KALRN: variants seen among roughly 807,000 people sequenced by gnomAD.
The protein encoded by KALRN is kalirin RhoGEF kinase.
In KALRN, 70 loss-of-function variants were observed where a neutral mutation model predicts 353.7. The observed-to-expected ratio is 0.20, with a 90% CI of 0.16 to 0.24. The LOEUF is 0.24. Ranked by LOEUF, KALRN falls within the 10% of genes least tolerant of loss-of-function variation. KALRN has a pLI of 1.00. For synonymous variants in KALRN, 1,391 were observed against 1,434.8 expected (o/e 0.97, Z 0.69); for missense variants, 2,791 against 3,756.7 (o/e 0.74, Z 6.72).
intron 33 of KALRN, among the ~76,000 whole-genome samples, chr3:124,511,994 G>A (rs1032782646): frequency 2.2e-4 from 34 of 152,304 alleles, no homozygotes; most frequent in African/African-American, 7.7e-4. Flanking sequence ...GATTGCTACT[G>A]TGTGTTACCT....
At chr3:124,339,111 G>T (rs143064224) in intron 9 of KALRN, among the ~76,000 whole-genome samples, 93 of 152,340 alleles carry the variant, frequency 6.1e-4, no homozygotes, top group African/African-American at 2.2e-3. Context: ...CTGTTGGCAA[G>T]AGTTTGAAGC....
intron 18 of KALRN, among the ~76,000 whole-genome samples, chr3:124,439,932 A>G (rs903632538): frequency 6.6e-6 from 1 of 152,242 alleles, no homozygotes; most frequent in Non-Finnish European, 1.5e-5. Flanking sequence ...TGGGAATAGA[A>G]GAGACAATTT....
chr3:124,524,837 A>G (rs749971432), intron 33 of KALRN, among the ~76,000 whole-genome samples: 2 of 152,230 alleles, frequency 1.3e-5, no homozygotes, highest in African/African-American at 2.4e-5. Flanking sequence ...TAGAAAACCA[A>G]AAGTGCAGTC....
At chr3:124,247,742 A>G (rs1317027062) in intron 3 of KALRN, among the ~76,000 whole-genome samples, 1 of 152,064 alleles carries the variant, frequency 6.6e-6, no homozygotes, top group East Asian at 1.9e-4. Flanking sequence ...TCCAGACAAT[A>G]TTTTCTTTCT....
At position 124,209,438 on chromosome 3, in the gene KALRN, G is replaced by A. The variant is rs72974630; in HGVS notation, c.74-18552G>A. 7.1e-3 allele frequency among the ~76,000 whole-genome samples: 968 copies of A among 136,854 alleles called. 7 individuals carry two copies. The highest frequency in any genetic ancestry group is 0.023 in the African/African-American group (853 of 36,520). 89.8% of individuals were successfully genotyped at this position (136,854 alleles called of 152,430 possible). On this transcript the variant is annotated intron_variant, in intron 1 of 59. Transcript: ENST00000682506. ...TGAGGCATGAGAATTGCTTGAAGCC[G>A]AGATCTCGCCACTGCACTCTAGCCT... is the stretch of plus-strand genomic sequence containing the variant.
chr3:124,047,642 G>A (rs575100556), intron 1 of KALRN, among the ~76,000 whole-genome samples: 12 of 150,294 alleles, frequency 8.0e-5, no homozygotes, highest in East Asian at 3.9e-4. Flanking sequence ...ACAGGCGCCC[G>A]CCACCACGCC....
chr3:124,487,441 G>T (rs2062687792), intron 28 of KALRN, among the ~76,000 whole-genome samples: 2 of 152,230 alleles, frequency 1.3e-5, no homozygotes, highest in Non-Finnish European at 1.5e-5. Context: ...ATATAGGAGA[G>T]ACAGGGTTGA....
chr3:124,426,148 G>T (rs1423367481), intron 15 of KALRN, among the ~76,000 whole-genome samples: 1 of 152,216 alleles, frequency 6.6e-6, no homozygotes, highest in East Asian at 1.9e-4. Context: ...TTCCTTGTCA[G>T]TGTAGGCTCT....
intron 25 of KALRN, among the ~76,000 whole-genome samples, chr3:124,467,851 A>G (rs1044672298): frequency 9.2e-5 from 14 of 152,266 alleles, no homozygotes; most frequent in Admixed American, 7.8e-4. Context: ...TGAGAAAACC[A>G]TGAAGTGGAC....
rs2040369940 is a variant in KALRN, at chr3:124,045,207, G to A, written c.73+11394G>A. Among the ~76,000 whole-genome samples, 3 of 152,018 alleles carry A rather than the reference G, an allele frequency of 2.0e-5. No homozygotes were observed. In the South Asian group the frequency reaches 6.2e-4, roughly 32 times the overall value. On this transcript the variant is annotated intron_variant, in intron 1 of 59. Transcript: ENST00000682506. ...CTAGGAGGAGGGGTCTGGGCTCCTG[G>A]GGGATTCTTGTGTCTGACTACTTAC...
chr3:124,628,557 T>C (rs1336063529), intron 34 of KALRN, among the ~76,000 whole-genome samples: 1 of 61,810 alleles, frequency 1.6e-5, no homozygotes, highest in Non-Finnish European at 3.9e-5. Context: ...TTTTCTTTCT[T>C]TTCTTTTCTT....
chr3:124,158,326 T>C (rs1032394307), intron 1 of KALRN, among the ~76,000 whole-genome samples: 4 of 152,154 alleles, frequency 2.6e-5, no homozygotes, highest in African/African-American at 9.7e-5. Flanking sequence ...GCTCCCAGTC[T>C]ACTGAGGAGA....
At chr3:124,577,569 A>G (rs1261039389) in intron 34 of KALRN, among the ~76,000 whole-genome samples, 1 of 152,194 alleles carries the variant, frequency 6.6e-6, no homozygotes, top group East Asian at 1.9e-4. Context: ...GGTTACCCAC[A>G]CAGATATTAT....
chr3:124,403,328 CCAT>C (rs1169064875), intron 13 of KALRN, among the ~76,000 whole-genome samples: 1 of 152,078 alleles, frequency 6.6e-6, no homozygotes, highest in African/African-American at 2.4e-5. Context: ...AGTTTTTCTA[CCAT>C]CATTGGATAA....
At chr3:124,659,514 G>T (rs935915012) in intron 43 of KALRN, 57 bp downstream of exon 43, 26 of 1,179,306 alleles carry the variant, frequency 2.2e-5, no homozygotes, top group Admixed American at 3.4e-5. Context: ...GCTCAGAGCA[G>T]GTTCTGAGCT....
At chr3:124,600,592 C>T (rs997308587) in intron 34 of KALRN, among the ~76,000 whole-genome samples, 4 of 152,072 alleles carry the variant, frequency 2.6e-5, no homozygotes, top group Non-Finnish European at 5.9e-5. Flanking sequence ...TTAGTGACAC[C>T]TCCAATTTGT....
intron 17 of KALRN, among the ~76,000 whole-genome samples, chr3:124,437,244 T>G (rs1298674450): frequency 6.6e-6 from 1 of 152,164 alleles, no homozygotes; most frequent in African/African-American, 2.4e-5. Flanking sequence ...CATGTGATGC[T>G]AGAGATGGGA....
At chr3:124,505,019 G>A (rs997229732) in intron 33 of KALRN, 1 of 474,130 alleles carries the variant, frequency 2.1e-6, no homozygotes, top group Admixed American at 2.3e-5. Context: ...GGAGGGAGGG[G>A]AGGGGAGAGC....
At chr3:124,338,185 A>G (rs146333167) in intron 9 of KALRN, among the ~76,000 whole-genome samples, 2,516 of 151,892 alleles carry the variant, frequency 0.017, 31 homozygotes, top group Non-Finnish European at 0.024. Context: ...TAGCTTTTGA[A>G]TTTGTTTGCT....
Sources: gnomAD v4.1 joint callset for allele counts (sites outside exome capture counted in the v4.1 genomes callset) on GRCh38, gnomAD v4.1.1 for gene constraint, MANE v1.5 for transcripts, NCBI Gene and HGNC (gene_info 2026-07-23, HGNC 2026-07-21) for gene names.